NALF1: variants seen among roughly 807,000 people sequenced by gnomAD.
NALF1 encodes the protein NALCN channel auxiliary factor 1, also known as family with sequence similarity 155 member A.
NALF1 carries 3 observed loss-of-function variants against 48.4 expected under a neutral mutation model. That is an observed-to-expected ratio of 0.06 (90% confidence interval 0.03 to 0.16). The LOEUF (loss-of-function observed/expected upper bound fraction) is 0.16. NALF1 is among the 10% of genes least tolerant of loss of function. The pLI, the probability that NALF1 is intolerant of heterozygous loss-of-function variation, is 1.00. For synonymous variants in NALF1, 262 were observed against 245.7 expected, an observed-to-expected ratio of 1.07 and a Z score of -0.62; for missense variants, 526 against 571.5, an observed-to-expected ratio of 0.92 and a Z score of 0.81.
chr13:107,818,632 G>C (rs934612291), intron 1 of NALF1, among the ~76,000 whole-genome samples: 2 of 112,422 alleles, frequency 1.8e-5, no homozygotes, highest in Non-Finnish European at 3.7e-5. Context: ...CAGCACTTTG[G>C]GAGGCCGAGG....
intron 1 of NALF1, among the ~76,000 whole-genome samples, chr13:107,367,423 A>G (rs1182401973): frequency 6.6e-6 from 1 of 152,122 alleles, no homozygotes; most frequent in African/African-American, 2.4e-5. Context: ...CCGGCTGAAG[A>G]GCTGGAGGAC....
intron 1 of NALF1, among the ~76,000 whole-genome samples, chr13:107,414,445 C>A (rs750958224): frequency 9.3e-5 from 14 of 150,228 alleles, no homozygotes; most frequent in Non-Finnish European, 1.6e-4. Context: ...CTATTTTTTT[C>A]TTCTATTATA....
chr13:107,852,651 T>G (rs532913638), intron 1 of NALF1, among the ~76,000 whole-genome samples: 1 of 152,288 alleles, frequency 6.6e-6, no homozygotes, highest in South Asian at 2.1e-4. Context: ...ATGTGCTCAT[T>G]CCACAAGCAT....
intron 1 of NALF1, among the ~76,000 whole-genome samples, chr13:107,262,982 T>C (rs1880963787): frequency 6.6e-6 from 1 of 152,158 alleles, no homozygotes; most frequent in Non-Finnish European, 1.5e-5. Flanking sequence ...TTCAGGGCTG[T>C]ACCTTTAAAT....
chr13:107,413,007 G>C (rs1222598911), intron 1 of NALF1, among the ~76,000 whole-genome samples: 1 of 152,134 alleles, frequency 6.6e-6, no homozygotes, highest in Non-Finnish European at 1.5e-5. Flanking sequence ...GATGATCTAT[G>C]AAAACCACAT....
At chr13:107,416,031 G>T (rs796590040) in intron 1 of NALF1, among the ~76,000 whole-genome samples, 2 of 150,928 alleles carry the variant, frequency 1.3e-5, no homozygotes, top group Non-Finnish European at 1.5e-5. Context: ...TTTTGAGATG[G>T]TGTCTCGCTC....
chr13:107,249,384 C>T (rs1880648634), intron 1 of NALF1, among the ~76,000 whole-genome samples: 2 of 152,050 alleles, frequency 1.3e-5, no homozygotes, highest in South Asian at 4.1e-4. Context: ...ATCTCAAAAA[C>T]TTACATCTCA....
chr13:107,699,106 G>A (rs1180763555), intron 1 of NALF1, among the ~76,000 whole-genome samples: 2 of 152,100 alleles, frequency 1.3e-5, no homozygotes, highest in Non-Finnish European at 2.9e-5. Flanking sequence ...CTTAGCGTTT[G>A]CAGAGAAAAT....
intron 1 of NALF1, among the ~76,000 whole-genome samples, chr13:107,240,739 T>G (rs1278762073): frequency 1.3e-5 from 2 of 152,088 alleles, no homozygotes; most frequent in African/African-American, 4.8e-5. Context: ...TATGTTTGAG[T>G]GTGGTTTCAA....
intron 1 of NALF1, among the ~76,000 whole-genome samples, chr13:107,229,233 A>C (rs543341558): frequency 6.6e-6 from 1 of 152,274 alleles, no homozygotes; most frequent in East Asian, 1.9e-4. Flanking sequence ...TTCATTTAAA[A>C]AATTTTAATG....
Position 107,271,795 on chromosome 13 carries a change from TATATATATATA to T in NALF1, c.916-61051_916-61041del, listed in dbSNP as rs1566470678. On this transcript the variant is annotated intron_variant, in intron 1 of 2. Transcript: ENST00000375915. Reference sequence around the variant, plus strand: ...TGGACTATATATATATATATATATATATATATATATATATATATATATTTATATATTTATAT... The same window carrying T: ...TGGACTATATATATATATATATATATTATATATATATTTATATATTTATAT... Among the ~76,000 whole-genome samples, 57 of 134,032 alleles carry T rather than the reference TATATATATATA, an allele frequency of 4.3e-4. 2 individuals are homozygous for T. The highest frequency in any genetic ancestry group is 1.4e-3 in the African/African-American group (47 of 33,914). The allele number at this position is 134,032 out of a possible 152,430, so 87.9% of individuals were successfully genotyped here.
chr13:107,380,491 A>G (rs887770500), intron 1 of NALF1, among the ~76,000 whole-genome samples: 3 of 152,194 alleles, frequency 2.0e-5, no homozygotes, highest in African/African-American at 7.2e-5. Context: ...ACTAAGTCAA[A>G]GCAGTTTTGA....
At position 107,362,217 on chromosome 13, in the gene NALF1, AG is replaced by A. The variant is rs763297274; in HGVS notation, c.916-151463del. 1.3e-5 allele frequency among the ~76,000 whole-genome samples: 2 copies of A among 152,212 alleles called. No homozygotes were observed. The highest frequency in any genetic ancestry group is 2.9e-5 in the Non-Finnish European group (2 of 68,040). On this transcript the variant is annotated intron_variant, in intron 1 of 2. Coordinates refer to ENST00000375915, the MANE Select transcript of NALF1 (RefSeq NM_001080396.3). The surrounding 1 kb of genome is among the most constrained non-coding windows in gnomAD (Gnocchi z 4.6). ...CCTGATGGTGGGGAAAAACGGGGTC[AG>A]GTGACAGCTTTATGATATTCATGTA...
chr13:107,256,847 A>G (rs1252507783), intron 1 of NALF1, among the ~76,000 whole-genome samples: 3 of 152,222 alleles, frequency 2.0e-5, no homozygotes, highest in Admixed American at 2.0e-4. Context: ...CTATTTTTGT[A>G]AAGTGCATGC....
intron 1 of NALF1, among the ~76,000 whole-genome samples, chr13:107,413,041 G>C (rs1464120119): frequency 6.6e-6 from 1 of 152,072 alleles, no homozygotes; most frequent in East Asian, 1.9e-4. Flanking sequence ...ATGTAACCTG[G>C]AATTGTTGAA....
intron 1 of NALF1, among the ~76,000 whole-genome samples, chr13:107,391,403 A>C (rs975771718): frequency 2.6e-4 from 39 of 152,206 alleles, no homozygotes; most frequent in Non-Finnish European, 4.4e-4. Flanking sequence ...AAAAATATTT[A>C]ACCCCCAAAT....
At chr13:107,270,419 C>A (rs943959731) in intron 1 of NALF1, among the ~76,000 whole-genome samples, 6 of 151,788 alleles carry the variant, frequency 4.0e-5, no homozygotes, top group African/African-American at 1.5e-4. Context: ...AAATGTACCA[C>A]CTGGACTTAG....
Position 107,828,604 on chromosome 13 carries a change from T to C in NALF1, c.915+37078A>G, listed in dbSNP as rs773685648. ...CTATCTATCTATCTATATCTATATC[T>C]ATACACACACACACACACACACACA... On this transcript the variant is annotated intron_variant, in intron 1 of 2. Coordinates refer to ENST00000375915, the MANE Select transcript of NALF1 (RefSeq NM_001080396.3). Among the ~76,000 whole-genome samples, 186 of 27,280 alleles carry C rather than the reference T, an allele frequency of 6.8e-3. 2 individuals carry two copies. The highest frequency in any genetic ancestry group is 0.06 in the East Asian group (83 of 1,390). 17.9% of individuals were successfully genotyped at this position (27,280 alleles called of 152,430 possible).
rs143645715 is a variant in NALF1 at position 107,409,851 on chromosome 13, T to C, written c.916-199096A>G. 3.2e-3 allele frequency among the ~76,000 whole-genome samples: 494 copies of C among 152,312 alleles called. 4 individuals are homozygous for C. The highest frequency in any genetic ancestry group is 0.011 in the African/African-American group (468 of 41,586). ...CCATACAGCTAGACTAGGGAATTTC[T>C]ACCCTTGCCCTCATCTCTTGAGTAC... On this transcript the variant is annotated intron_variant, in intron 1 of 2. Coordinates refer to ENST00000375915, the MANE Select transcript of NALF1 (RefSeq NM_001080396.3).
Sources: gnomAD v4.1 joint callset for allele counts (sites outside exome capture counted in the v4.1 genomes callset) on GRCh38, gnomAD v4.1.1 for gene constraint, Gnocchi (gnomAD v3.1) non-coding constraint, MANE v1.5 for transcripts, NCBI Gene and HGNC (gene_info 2026-07-23, HGNC 2026-07-21) for gene names.